Variants in KIAA0825 observed in about 807,000 individuals in gnomAD.
The protein encoded by KIAA0825 is uncharacterized protein KIAA0825.
In KIAA0825, 119 loss-of-function variants were observed where a neutral mutation model predicts 147.6. The observed-to-expected ratio is 0.81, with a 90% CI of 0.69 to 0.94. The LOEUF is 0.94. KIAA0825 is among the 40% of genes least tolerant of loss of function. KIAA0825 has a pLI of 0.00. For synonymous variants in KIAA0825, 470 were observed against 518.1 expected, an observed-to-expected ratio of 0.91 and a Z score of 1.26; for missense variants, 1,381 against 1,472.7, an observed-to-expected ratio of 0.94 and a Z score of 1.02.
chr5:94,556,501 C>T (rs1419301774), intron 2 of KIAA0825, among the ~76,000 whole-genome samples: 3 of 152,030 alleles, frequency 2.0e-5, no homozygotes, highest in Non-Finnish European at 4.4e-5. Context: ...AATTAAGTTC[C>T]AAGAGTTTAA....
intron 2 of KIAA0825, among the ~76,000 whole-genome samples, chr5:94,547,661 C>T (rs781277019): frequency 2.4e-4 from 35 of 146,020 alleles, no homozygotes; most frequent in Non-Finnish European, 4.0e-4. Context: ...CACTTGAACC[C>T]GGGAGGCGGA....
At chr5:94,489,588 C>A (rs72771684) in intron 5 of KIAA0825, among the ~76,000 whole-genome samples, 27,672 of 138,662 alleles carry the variant, frequency 0.2, 3,126 homozygotes, top group East Asian at 0.33. Flanking sequence ...AAAAAAAAAA[C>A]AAACTCCACT....
At chr5:94,187,697 T>A (rs1181211722) in intron 20 of KIAA0825, among the ~76,000 whole-genome samples, 2 of 152,064 alleles carry the variant, frequency 1.3e-5, no homozygotes, top group Admixed American at 6.5e-5. Flanking sequence ...AGTGCTGGGA[T>A]TACAGGCATG....
At chr5:94,210,020 T>C (rs958626064) in intron 20 of KIAA0825, among the ~76,000 whole-genome samples, 3 of 152,180 alleles carry the variant, frequency 2.0e-5, no homozygotes, top group Non-Finnish European at 4.4e-5. Flanking sequence ...AACCCATCAA[T>C]AGAAAATAAA....
chr5:94,571,398 G>A lies in KIAA0825; in HGVS notation c.-2+11035C>T, dbSNP rs1450163898. On this transcript the variant is annotated intron_variant, in intron 2 of 20. Coordinates refer to ENST00000682413, the MANE Select transcript of KIAA0825 (RefSeq NM_001145678.3). ...TTTAGAAGTATCCAGTAATACTGAC[G>A]TACAACTGACATAATTTAATGATTG... is the stretch of plus-strand genomic sequence containing the variant. 2.6e-5 allele frequency among the ~76,000 whole-genome samples: 4 copies of A among 152,126 alleles called. No homozygotes were observed. In the South Asian group the frequency reaches 6.2e-4, roughly 24 times the overall value.
At chr5:94,275,321 G>A (rs998400937) in intron 20 of KIAA0825, among the ~76,000 whole-genome samples, 2 of 152,108 alleles carry the variant, frequency 1.3e-5, no homozygotes, top group Non-Finnish European at 2.9e-5. Context: ...GGTGATCTTT[G>A]CAATGGATAT....
chr5:94,311,111 C>A (rs1006876241), intron 20 of KIAA0825, among the ~76,000 whole-genome samples: 1 of 151,454 alleles, frequency 6.6e-6, no homozygotes, highest in African/African-American at 2.4e-5. Context: ...TTTTCAGTAA[C>A]AGAAACTTCA....
chr5:94,478,863 C>T (rs1352436013), intron 6 of KIAA0825, among the ~76,000 whole-genome samples: 1 of 151,968 alleles, frequency 6.6e-6, no homozygotes, highest in Non-Finnish European at 1.5e-5. Context: ...ACAAAAATAC[C>T]ATCAACTGTC....
intron 20 of KIAA0825, among the ~76,000 whole-genome samples, chr5:94,381,578 G>A (rs1379412711): frequency 6.6e-6 from 1 of 152,178 alleles, no homozygotes; most frequent in African/African-American, 2.4e-5. Context: ...CTTGGCATCT[G>A]TGGGATTTAG....
In KIAA0825 at chr5:94,610,440, AG is replaced by A. The variant is rs1254513154; in HGVS notation, c.-153+8059del. On this transcript the variant is annotated intron_variant, in intron 1 of 20. Coordinates refer to ENST00000682413, the MANE Select transcript of KIAA0825 (RefSeq NM_001145678.3). ...CAAGACTGTCTCAAAAAAAAAAAAA[AG>A]AAAAAGAAAAAGAAAAGAAAAAAGA... 2.9e-3 allele frequency among the ~76,000 whole-genome samples: 432 copies of A among 147,772 alleles called. 2 individuals are homozygous for A. The highest frequency in any genetic ancestry group is 0.01 in the African/African-American group (401 of 39,750).
At chr5:94,484,390 C>G (rs540024892) in intron 6 of KIAA0825, among the ~76,000 whole-genome samples, 2 of 151,618 alleles carry the variant, frequency 1.3e-5, no homozygotes, top group Non-Finnish European at 3.0e-5. Context: ...AAATTCAGGT[C>G]TAAGGAGACT....
At chr5:94,174,110 C>T (rs1380557203) in intron 20 of KIAA0825, among the ~76,000 whole-genome samples, 1 of 152,174 alleles carries the variant, frequency 6.6e-6, no homozygotes, top group Non-Finnish European at 1.5e-5. Flanking sequence ...CACCACTGCA[C>T]TGTGGGGCTC....
chr5:94,306,182 G>GA (rs894810769), intron 20 of KIAA0825, among the ~76,000 whole-genome samples: 4 of 151,058 alleles, frequency 2.6e-5, no homozygotes, highest in Admixed American at 2.0e-4. Flanking sequence ...CATATTTAGA[G>GA]AAAAAAAAGG....
intron 10 of KIAA0825, among the ~76,000 whole-genome samples, chr5:94,469,622 G>T (rs1244991326): frequency 1.3e-5 from 2 of 152,068 alleles, no homozygotes; most frequent in Admixed American, 1.3e-4. Context: ...TAACTAATTG[G>T]TCTCTTTGGA....
chr5:94,552,363 G>A (rs1775708420), intron 2 of KIAA0825, among the ~76,000 whole-genome samples: 1 of 152,062 alleles, frequency 6.6e-6, no homozygotes, highest in Non-Finnish European at 1.5e-5. Context: ...AGATCATCTA[G>A]ACAGAAAATC....
chr5:94,296,802 A>G (rs1256459092), intron 20 of KIAA0825, among the ~76,000 whole-genome samples: 1 of 152,090 alleles, frequency 6.6e-6, no homozygotes, highest in Non-Finnish European at 1.5e-5. Flanking sequence ...TTCTGCATTG[A>G]TCTTGCTGGG....
Position 94,396,143 on chromosome 5 carries a change from A to C in KIAA0825, c.3254T>G (p.Ile1085Ser). 1 of 1,523,390 alleles carries C rather than the reference A, an allele frequency of 6.6e-7. No individual in the cohort carries two copies. The highest frequency in any genetic ancestry group is 1.4e-5 in the African/African-American group (1 of 71,662). 94.4% of individuals were successfully genotyped at this position (1,523,390 alleles called of 1,614,324 possible). ...QSIEQQKPNW[I>S]ERQLLKARKL... Reference sequence around the variant, plus strand: ...CCTTGCTTTCAACAATTGACGTTCAATCCAGTTGGGCTTCTGCTGCTCAAT... The same window carrying C: ...CCTTGCTTTCAACAATTGACGTTCACTCCAGTTGGGCTTCTGCTGCTCAAT... The change falls in exon 17 of 21, where the codon ATT becomes AGT. Residue 1085 changes from isoleucine (I) to serine (S), a missense_variant. Coordinates refer to ENST00000682413, the MANE Select transcript of KIAA0825 (RefSeq NM_001145678.3).
At chr5:94,459,538 G>T (rs1447142946) in intron 12 of KIAA0825, among the ~76,000 whole-genome samples, 2 of 152,096 alleles carry the variant, frequency 1.3e-5, no homozygotes, top group East Asian at 3.9e-4. Context: ...ACCTCGAAAG[G>T]CCTAACATTA....
At chr5:94,241,359 C>T (rs1012740039) in intron 20 of KIAA0825, among the ~76,000 whole-genome samples, 2 of 152,168 alleles carry the variant, frequency 1.3e-5, no homozygotes, top group Non-Finnish European at 2.9e-5. Flanking sequence ...ACATAGTCAT[C>T]ATTAACATCT....
Sources: gnomAD v4.1 joint callset for allele counts (sites outside exome capture counted in the v4.1 genomes callset) on GRCh38, gnomAD v4.1.1 for gene constraint, MANE v1.5 for transcripts, NCBI Gene and HGNC (gene_info 2026-07-23, HGNC 2026-07-21) for gene names.